PRKD1: variants seen among roughly 807,000 people sequenced by gnomAD.
PRKD1 encodes the protein serine/threonine-protein kinase D1.
Under a neutral mutation model 95.9 loss-of-function variants are expected in PRKD1, and 63 were observed. The observed-to-expected ratio is 0.66, with a 90% CI of 0.54 to 0.81. The LOEUF is 0.81. Ranked by LOEUF, PRKD1 falls within the 30% of genes least tolerant of loss-of-function variation. The pLI is 0.00. For synonymous variants in PRKD1, 425 were observed against 423.1 expected (o/e 1.00, Z -0.05); for missense variants, 1,048 against 1,165.3 (o/e 0.90, Z 1.47).
intron 1 of PRKD1, among the ~76,000 whole-genome samples, chr14:29,790,290 T>C (rs10137256): frequency 0.31 from 46,906 of 151,898 alleles, 8,506 homozygotes; most frequent in African/African-American, 0.5. Flanking sequence ...TAAGTGTTTA[T>C]GGGATTACAA....
At chr14:29,903,252 C>A (rs895302068) in intron 1 of PRKD1, among the ~76,000 whole-genome samples, 2 of 152,300 alleles carry the variant, frequency 1.3e-5, no homozygotes, top group South Asian at 2.1e-4. Flanking sequence ...GCATACTATC[C>A]AACCAGCCTC....
intron 4 of PRKD1, among the ~76,000 whole-genome samples, chr14:29,646,937 T>C (rs540519053): frequency 6.6e-6 from 1 of 151,762 alleles, no homozygotes; most frequent in Admixed American, 6.6e-5. Flanking sequence ...CAGTAGAGAG[T>C]AGGGTGTTTG....
chr14:29,604,075 TC>T (rs1893619976), intron 13 of PRKD1, among the ~76,000 whole-genome samples: 6 of 152,180 alleles, frequency 3.9e-5, no homozygotes, highest in Admixed American at 3.9e-4. Context: ...GTCACTAGAA[TC>T]AAAAGCTTTT....
chr14:29,578,467 T>A, intron 16 of PRKD1, 107 bp from the exon 17 acceptor site: 1 of 656,248 alleles, frequency 1.5e-6, no homozygotes, highest in Non-Finnish European at 2.1e-6. Context: ...TGCAGCATAG[T>A]GACAAGGCAC....
At chr14:29,802,713 A>G (rs1017553368) in intron 1 of PRKD1, among the ~76,000 whole-genome samples, 2 of 152,242 alleles carry the variant, frequency 1.3e-5, no homozygotes, top group Non-Finnish European at 2.9e-5. Context: ...AGGTGACTCA[A>G]TAAGATTTTC....
intron 2 of PRKD1, among the ~76,000 whole-genome samples, chr14:29,672,200 G>T (rs2139236139): frequency 6.6e-6 from 1 of 152,138 alleles, no homozygotes; most frequent in East Asian, 1.9e-4. Flanking sequence ...AATTGGCCGG[G>T]CGTGGTGGTG....
At chr14:29,869,116 C>G (rs1893014358) in intron 1 of PRKD1, among the ~76,000 whole-genome samples, 1 of 152,066 alleles carries the variant, frequency 6.6e-6, no homozygotes, top group Non-Finnish European at 1.5e-5. Flanking sequence ...AAGATGAAGG[C>G]TGAAAACAAA....
intron 1 of PRKD1, among the ~76,000 whole-genome samples, chr14:29,810,385 C>T (rs923364916): frequency 2.0e-5 from 3 of 152,186 alleles, no homozygotes; most frequent in African/African-American, 7.2e-5. Flanking sequence ...ATGTATTCTT[C>T]GCTGTCACCT....
intron 1 of PRKD1, among the ~76,000 whole-genome samples, chr14:29,837,796 T>C (rs1891668343): frequency 6.6e-6 from 1 of 152,228 alleles, no homozygotes; most frequent in African/African-American, 2.4e-5. Flanking sequence ...CTGTACTTAC[T>C]GTGACATGCA....
chr14:29,696,674 G>T (rs1884536022), intron 2 of PRKD1, among the ~76,000 whole-genome samples: 1 of 152,038 alleles, frequency 6.6e-6, no homozygotes, highest in Non-Finnish European at 1.5e-5. Context: ...CTAAAACTTG[G>T]CAGGAAATAA....
chr14:29,585,870 G>C lies in PRKD1; in HGVS notation c.2435-7510C>G, dbSNP rs1046778005. On this transcript the variant is annotated intron_variant, in intron 16 of 17. Coordinates refer to ENST00000331968, the MANE Select transcript of PRKD1 (RefSeq NM_002742.3). ...ACCAAAGGTCAAGTGAAAATCCTTA[G>C]GAGAGGATATTGATATTTGTATCAA... Among the ~76,000 whole-genome samples the C allele has an allele frequency of 3.9e-5, 6 of 152,296 alleles. No individual in the cohort carries two copies. In the East Asian group the frequency reaches 1.2e-3, roughly 29 times the overall value.
chr14:29,635,909 CAG>C (rs1394900230), intron 7 of PRKD1, among the ~76,000 whole-genome samples: 18 of 152,222 alleles, frequency 1.2e-4, no homozygotes, highest in Admixed American at 1.0e-3. Context: ...ATATTTGTAA[CAG>C]GGGCCAGCTA....
chr14:29,610,506 A>G (rs912028975), intron 13 of PRKD1, among the ~76,000 whole-genome samples: 15 of 152,322 alleles, frequency 9.8e-5, no homozygotes, highest in African/African-American at 3.1e-4. Context: ...AAAATCTGGA[A>G]CTCCGACAAG....
chr14:29,846,644 G>T (rs759444618), intron 1 of PRKD1, among the ~76,000 whole-genome samples: 1 of 152,184 alleles, frequency 6.6e-6, no homozygotes, highest in African/African-American at 2.4e-5. Context: ...GTTTATAGCA[G>T]AGCAGGAACA....
At chr14:29,829,901 T>A (rs1268959341) in intron 1 of PRKD1, among the ~76,000 whole-genome samples, 1 of 152,216 alleles carries the variant, frequency 6.6e-6, no homozygotes, top group African/African-American at 2.4e-5. Context: ...ACTTATTTCC[T>A]CTACGCTGAC....
At chr14:29,604,303 A>G (rs1893628490) in intron 13 of PRKD1, among the ~76,000 whole-genome samples, 1 of 152,086 alleles carries the variant, frequency 6.6e-6, no homozygotes, top group Non-Finnish European at 1.5e-5. Context: ...TACCTTTAGG[A>G]TTATTCTACT....
chr14:29,927,341 T>C lies in PRKD1; in HGVS notation c.172A>G (p.Ser58Gly). The change falls in exon 1 of 18, where the codon AGC (serine) becomes GGC (glycine). Residue 58 changes from serine (S) to glycine (G), a missense_variant. By Grantham distance (56) the Ser-to-Gly change is moderately conservative (BLOSUM62 0). Coordinates refer to ENST00000331968, the MANE Select transcript of PRKD1 (RefSeq NM_002742.3). ...GISFHLQIGL[S>G]REPVLLLQDS... ...TGCAGCAGCAGCACCGGCTCACGGCTCAGGCCGATCTGCAGATGGAACGAG... is the reference window on the plus strand; with the variant it reads ...TGCAGCAGCAGCACCGGCTCACGGCCCAGGCCGATCTGCAGATGGAACGAG... 1 of 1,565,710 alleles carries C rather than the reference T, an allele frequency of 6.4e-7. No homozygotes were observed. Among genetic ancestry groups the C allele is most frequent in the Non-Finnish European group, 8.6e-7 (1 of 1,158,038 alleles).
At chr14:29,683,039 G>A (rs1262478016) in intron 2 of PRKD1, among the ~76,000 whole-genome samples, 2 of 152,182 alleles carry the variant, frequency 1.3e-5, no homozygotes, top group Non-Finnish European at 2.9e-5. Flanking sequence ...TAGTGAACGG[G>A]AAAGCACTGG....
chr14:29,725,423 T>C (rs1418516934), intron 2 of PRKD1, 113 bp downstream of exon 2: 1 of 1,304,490 alleles, frequency 7.7e-7, no homozygotes, highest in Non-Finnish European at 1.1e-6. Context: ...ACATCTTCTC[T>C]TGGAGCTGAG....
Sources: allele counts gnomAD v4.1 joint callset (sites outside exome capture counted in the v4.1 genomes callset), GRCh38; gene constraint gnomAD v4.1.1; transcripts MANE v1.5; gene names NCBI Gene and HGNC (gene_info 2026-07-23, HGNC 2026-07-21).